MCMDC2: variants seen among roughly 807,000 people sequenced by gnomAD.
MCMDC2 encodes the protein minichromosome maintenance domain containing 2, also known as minichromosome maintenance domain-containing protein 2.
A neutral mutation model predicts 75.8 loss-of-function variants in MCMDC2; 54 were observed. The ratio of observed to expected loss-of-function variants is 0.71; its 90% CI spans 0.57 to 0.89. The LOEUF is 0.89. Ranked by LOEUF, MCMDC2 falls within the 40% of genes least tolerant of loss-of-function variation. The probability of loss-of-function intolerance (pLI) is 0.00; values close to 1 mark genes in which losing one functional copy is unlikely to be tolerated. For synonymous variants in MCMDC2, 249 were observed against 274.6 expected (o/e 0.91, Z 0.92); for missense variants, 656 against 780.4 (o/e 0.84, Z 1.90).
intron 7 of MCMDC2, among the ~76,000 whole-genome samples, chr8:66,879,694 AAG>A (rs1811473330): frequency 6.6e-6 from 1 of 152,242 alleles, no homozygotes; most frequent in Non-Finnish European, 1.5e-5. Flanking sequence ...AGTGTTTTAA[AAG>A]AGTCATATTT....
chr8:66,901,132 C>G (rs1191272600), intron 12 of MCMDC2, 74 bp from the exon 13 acceptor site: 1 of 1,049,010 alleles, frequency 9.5e-7, no homozygotes, highest in Non-Finnish European at 1.4e-6. Flanking sequence ...AATAAAGTGC[C>G]AGTATACTTT....
At chr8:66,910,646 C>A (rs1006249961) in intron 14 of MCMDC2, among the ~76,000 whole-genome samples, 1 of 152,106 alleles carries the variant, frequency 6.6e-6, no homozygotes, top group Non-Finnish European at 1.5e-5. Context: ...TCTGTCTCTA[C>A]TAAAAATACA....
intron 4 of MCMDC2, among the ~76,000 whole-genome samples, chr8:66,876,876 T>G (rs1250155411): frequency 2.0e-5 from 3 of 152,118 alleles, no homozygotes; most frequent in Non-Finnish European, 4.4e-5. Flanking sequence ...TTCTCCTGCC[T>G]TAGCCTCCCG....
At chr8:66,910,858 G>A (rs557809340) in intron 14 of MCMDC2, among the ~76,000 whole-genome samples, 4 of 152,092 alleles carry the variant, frequency 2.6e-5, no homozygotes, top group East Asian at 3.9e-4. Flanking sequence ...CTTGCATGGG[G>A]CTTGCAGCCC....
At chr8:66,896,397 A>G (rs1585885087) in intron 11 of MCMDC2, 61 bp downstream of exon 11, 1 of 1,411,822 alleles carries the variant, frequency 7.1e-7, no homozygotes, top group East Asian at 2.4e-5. Flanking sequence ...CATAAATTTT[A>G]ATACATCTTA....
At chr8:66,923,103 G>A (rs1477008964), downstream of MCMDC2, among the ~76,000 whole-genome samples, 1 of 152,218 alleles carries the variant, frequency 6.6e-6, no homozygotes, top group Non-Finnish European at 1.5e-5. Flanking sequence ...AATGGTCATA[G>A]TGAGTACACA....
chr8:66,903,366 CTTATT>C (rs760200649), intron 13 of MCMDC2, among the ~76,000 whole-genome samples: 50 of 151,928 alleles, frequency 3.3e-4, no homozygotes, highest in Non-Finnish European at 6.6e-4. Context: ...CTTCATCTGT[CTTATT>C]TTATATTGCA....
At chr8:66,885,975 C>T (rs759277964) in intron 9 of MCMDC2, among the ~76,000 whole-genome samples, 4 of 152,018 alleles carry the variant, frequency 2.6e-5, no homozygotes, top group South Asian at 2.1e-4. Flanking sequence ...TTTCATTATA[C>T]GAATGTACCA....
In MCMDC2 at chr8:66,921,647, C is replaced by CAA. The variant is rs1381864675; in HGVS notation, c.*2480_*2481dup. ...AGTATTAGGATGACTTTTTTGTTCACAAAGATGAAAGCAAACTGAATAAAA... is the reference window on the plus strand; with the variant it reads ...AGTATTAGGATGACTTTTTTGTTCACAAAAAGATGAAAGCAAACTGAATAAAA... On this transcript the variant is annotated 3_prime_UTR_variant, in exon 15 of 15. Transcript: ENST00000422365. The CAA allele has an allele frequency of 1.3e-5, 2 of 152,080 alleles. No individual in the cohort carries two copies. The highest frequency in any genetic ancestry group is 4.8e-5 in the African/African-American group (2 of 41,400). The allele number at this position is 152,080 out of a possible 1,614,324, so 9.4% of individuals were successfully genotyped here.
chr8:66,883,846 T>G lies in MCMDC2; in HGVS notation c.925T>G (p.Phe309Val). The change falls in exon 9 of 15, where the codon TTT becomes GTT. Residue 309 changes from phenylalanine to valine, a missense_variant. Physicochemically the swap from Phe to Val is conservative, Grantham distance 50 (BLOSUM62 -1). Coordinates refer to ENST00000422365, the MANE Select transcript of MCMDC2 (RefSeq NM_173518.5). The stretch of plus-strand genomic sequence containing the variant: ...GTTTACAGCAATACTTGCCAATATC[T>G]TTGCATCACAAATTACCCCTCCTGG... ...WKFTAILANIFASQITPPGTY... is the reference protein window; with the variant it reads ...WKFTAILANIVASQITPPGTY... 6.2e-7 allele frequency: 1 copy of G among 1,614,034 alleles called. No individual in the cohort carries two copies. Among genetic ancestry groups the G allele is most frequent in the Non-Finnish European group, 8.5e-7 (1 of 1,179,996 alleles).
At chr8:66,891,122 C>A in intron 10 of MCMDC2, 52 bp downstream of exon 10, 4 of 1,425,064 alleles carry the variant, frequency 2.8e-6, no homozygotes, top group Non-Finnish European at 3.8e-6. Context: ...ATACTCTCAT[C>A]CATGTTGAGA....
At chr8:66,878,236 C>T (rs1165968288) in intron 5 of MCMDC2, among the ~76,000 whole-genome samples, 2 of 152,160 alleles carry the variant, frequency 1.3e-5, no homozygotes, top group African/African-American at 4.8e-5. Flanking sequence ...TCTCTGAACA[C>T]GCTGCAAATG....
chr8:66,877,230 G>T, intron 4 of MCMDC2, 119 bp from the exon 5 acceptor site: 6 of 557,504 alleles, frequency 1.1e-5, no homozygotes, highest in South Asian at 6.6e-5. Flanking sequence ...TAAAATTTTG[G>T]TTCCTAAGAA....
At position 66,896,897 on chromosome 8, in the gene MCMDC2, A is replaced by G. The variant is rs562391447; in HGVS notation, c.1564A>G (p.Ile522Val). Residue 522 changes from isoleucine to valine, a missense_variant, in exon 12 of 15, where the codon ATT (isoleucine) becomes GTT (valine). Ile to Val is a conservative substitution (Grantham distance 29). Coordinates refer to ENST00000422365, the MANE Select transcript of MCMDC2 (RefSeq NM_173518.5). ...TGTGCAACACACTTTGAACAAAGCC[A>G]TTAATCCTGAAGGGCTGTTTTATGC... The part of the protein sequence containing the change: ...PTVQHTLNKA[I>V]NPEGLFYAAS... The G allele has an allele frequency of 7.4e-6, 12 of 1,613,234 alleles. No homozygotes were observed. In the South Asian group the frequency reaches 1.2e-4, roughly 16 times the overall value.
rs995341075 is a variant in MCMDC2 at position 66,921,000 on chromosome 8, T to C, written c.*1831T>C. The C allele has an allele frequency of 2.6e-5, 4 of 152,142 alleles. No homozygotes were observed. The highest frequency in any genetic ancestry group is 5.9e-5 in the Non-Finnish European group (4 of 68,048). 9.4% of individuals were successfully genotyped at this position (152,142 alleles called of 1,614,324 possible). On this transcript the variant is annotated 3_prime_UTR_variant, in exon 15 of 15. Coordinates refer to ENST00000422365, the MANE Select transcript of MCMDC2 (RefSeq NM_173518.5). ...TTTTATTTACTTATCTATATTTATA[T>C]ATACATATTTATATGTAGCTGTCAC...
chr8:66,899,408 G>A (rs1242627885), intron 12 of MCMDC2, among the ~76,000 whole-genome samples: 2 of 152,208 alleles, frequency 1.3e-5, no homozygotes, highest in Non-Finnish European at 2.9e-5. Context: ...ATCCAGTTCT[G>A]AAAGCCTGGA....
Position 66,920,790 on chromosome 8 carries a change from A to T in MCMDC2, c.*1621A>T, listed in dbSNP as rs1256519468. 2 of 152,040 alleles carry T rather than the reference A, an allele frequency of 1.3e-5. No homozygotes were observed. The highest frequency in any genetic ancestry group is 3.9e-4 in the East Asian group (2 of 5,154). 9.4% of individuals were successfully genotyped at this position (152,040 alleles called of 1,614,324 possible). A position where few individuals can be genotyped will look rare whatever the true frequency, so the allele number is the denominator to read the frequency against. On this transcript the variant is annotated 3_prime_UTR_variant, in exon 15 of 15. Transcript: ENST00000422365. ...ACCTTGCAAGTAATTCTCCCACCTTAGGCCTCCGAGTAGCTGGGACTACAG... is the reference window on the plus strand; with the variant it reads ...ACCTTGCAAGTAATTCTCCCACCTTTGGCCTCCGAGTAGCTGGGACTACAG...
Position 66,919,272 on chromosome 8 carries a change from G to A in MCMDC2, c.*103G>A. ...TAATGCTTTGATAATACTCTGTACA[G>A]GAATATATTACAATACTGTTTTTAA... On this transcript the variant is annotated 3_prime_UTR_variant, in exon 15 of 15. Transcript: ENST00000422365. The A allele has an allele frequency of 1.2e-6, 1 of 848,546 alleles. No individual in the cohort carries two copies. The highest frequency in any genetic ancestry group is 2.3e-5 in the South Asian group (1 of 43,896). 52.6% of individuals were successfully genotyped at this position (848,546 alleles called of 1,614,324 possible).
At position 66,877,539 on chromosome 8, in the gene MCMDC2, CAA is replaced by C; in HGVS notation, c.479_480del (p.Lys160ArgfsTer21). Reference sequence around the variant, plus strand: ...TGTTCAGATGAAGCATGCCCTCTTTCAAAAGGTAAATGTTAAATAGGAAAATC... The same window carrying C: ...TGTTCAGATGAAGCATGCCCTCTTTCAAGGTAAATGTTAAATAGGAAAATC... On this transcript the variant is annotated frameshift_variant, in exon 5 of 15. Coordinates refer to ENST00000422365, the MANE Select transcript of MCMDC2 (RefSeq NM_173518.5). LOFTEE classifies it high-confidence loss of function. The C allele has an allele frequency of 6.3e-7, 1 of 1,594,956 alleles. No homozygotes were observed. Among genetic ancestry groups the C allele is most frequent in the South Asian group, 1.1e-5 (1 of 87,372 alleles).
Sources: allele counts gnomAD v4.1 joint callset (sites outside exome capture counted in the v4.1 genomes callset), GRCh38; gene constraint gnomAD v4.1.1; transcripts MANE v1.5; gene names NCBI Gene and HGNC (gene_info 2026-07-23, HGNC 2026-07-21).